Variants in DCAKD observed in about 807,000 individuals in gnomAD.
DCAKD encodes the protein dephospho-CoA kinase domain containing.
A neutral mutation model predicts 18.7 loss-of-function variants in DCAKD; 15 were observed. The ratio of observed to expected loss-of-function variants is 0.80; its 90% CI spans 0.54 to 1.24. The LOEUF is 1.24. Among genes scored for constraint, DCAKD ranks in the 50% most tolerant of loss-of-function variants. The probability of loss-of-function intolerance (pLI) is 0.00; values close to 1 mark genes in which losing one functional copy is unlikely to be tolerated. For missense variants in DCAKD, 301 were observed against 322.0 expected, an observed-to-expected ratio of 0.93 and a Z score of 0.50; for synonymous variants, 130 against 133.0, an observed-to-expected ratio of 0.98 and a Z score of 0.16.
chr17:45,040,658 C>T (rs930709055), intron 1 of DCAKD, among the ~76,000 whole-genome samples: 13 of 152,162 alleles, frequency 8.5e-5, no homozygotes, highest in Admixed American at 6.6e-5. Flanking sequence ...CCCAGGGAAG[C>T]CACACCCCAT....
chr17:45,049,600 C>T lies in DCAKD; in HGVS notation c.-115+1761G>A, dbSNP rs1007270433. On this transcript the variant is annotated intron_variant, in intron 1 of 4. Coordinates refer to ENST00000651974, the MANE Select transcript of DCAKD (RefSeq NM_001288655.2). Reference sequence around the variant, plus strand: ...AGCTTTATTTTAAAATATCAACATTCACAATTAACCAGAACTTTTATCCTC... The same window carrying T: ...AGCTTTATTTTAAAATATCAACATTTACAATTAACCAGAACTTTTATCCTC... 2.7e-5 allele frequency among the ~76,000 whole-genome samples: 4 copies of T among 150,442 alleles called. 1 individual carries two copies. Among genetic ancestry groups the T allele is most frequent in the African/African-American group, 9.8e-5 (4 of 40,864 alleles).
At position 45,051,361 on chromosome 17, in the gene DCAKD, C is replaced by T. The variant is rs567517919; in HGVS notation, c.-115G>A. ...GGGCCGTGGATATAAAAGCACTTGCCTTAGTGCTGGCCGCATACGACGCGC... is the reference window on the plus strand; with the variant it reads ...GGGCCGTGGATATAAAAGCACTTGCTTTAGTGCTGGCCGCATACGACGCGC... On this transcript the variant is annotated splice_region_variant and 5_prime_UTR_variant, in exon 1 of 5. Coordinates refer to ENST00000651974, the MANE Select transcript of DCAKD (RefSeq NM_001288655.2). 9.8e-5 allele frequency: 15 copies of T among 152,326 alleles called. No homozygotes were observed. In the South Asian group the frequency reaches 1.7e-3, roughly 17 times the overall value. The allele number at this position is 152,326 out of a possible 1,614,324, so 9.4% of individuals were successfully genotyped here.
At position 45,034,335 on chromosome 17, in the gene DCAKD, C is replaced by G. The variant is rs780810927; in HGVS notation, c.168G>C (p.Glu56Asp). The G allele has an allele frequency of 6.2e-7, 1 of 1,614,114 alleles. No individual in the cohort carries two copies. Among genetic ancestry groups the G allele is most frequent in the Non-Finnish European group, 8.5e-7 (1 of 1,180,046 alleles). Reference protein sequence around the residue: ...HRRIVEVFGTEVLLENGDINR... With the variant: ...HRRIVEVFGTDVLLENGDINR... ...TTATGTCGCCGTTCTCCAGCAAGAC[C>G]TCAGTGCCGAAGACCTCTACGATGC... Residue 56 changes from glutamate (E) to aspartate (D), a missense_variant, in exon 3 of 5, where the codon GAG becomes GAC. Physicochemically the swap from Glu to Asp is conservative, Grantham distance 45. Coordinates refer to ENST00000651974, the MANE Select transcript of DCAKD (RefSeq NM_001288655.2).
chr17:45,033,033 T>C (rs2053205649), intron 3 of DCAKD, among the ~76,000 whole-genome samples: 2 of 152,136 alleles, frequency 1.3e-5, no homozygotes, highest in Non-Finnish European at 2.9e-5. Flanking sequence ...AGGCCACCCC[T>C]GTGCAATGCT....
chr17:45,040,215 C>A (rs2143288712), intron 1 of DCAKD, among the ~76,000 whole-genome samples: 1 of 151,804 alleles, frequency 6.6e-6, no homozygotes, highest in African/African-American at 2.4e-5. Context: ...TGGAGAAACG[C>A]CATTTCTACT....
intron 1 of DCAKD, among the ~76,000 whole-genome samples, chr17:45,051,127 A>C (rs146473259): frequency 1.7e-3 from 262 of 152,356 alleles, no homozygotes; most frequent in African/African-American, 5.6e-3. Context: ...GGGATCGGAA[A>C]GATACCCCAA....
chr17:45,026,218 CTTTTTTT>C (rs1180056946), intron 4 of DCAKD, among the ~76,000 whole-genome samples: 4 of 109,166 alleles, frequency 3.7e-5, no homozygotes, highest in Non-Finnish European at 7.5e-5. Flanking sequence ...CGCGCCTGGA[CTTTTTTT>C]TTTTTTTTTT....
chr17:45,035,316 A>G (rs2053270254), intron 1 of DCAKD, among the ~76,000 whole-genome samples: 2 of 152,020 alleles, frequency 1.3e-5, no homozygotes, highest in Admixed American at 1.3e-4. Flanking sequence ...CCCCATCTCT[A>G]CTAAAAATAC....
chr17:45,044,716 TAAATAAATAAATA>T (rs1168163933), intron 1 of DCAKD, among the ~76,000 whole-genome samples: 1 of 151,064 alleles, frequency 6.6e-6, no homozygotes, highest in African/African-American at 2.4e-5. Context: ...AATAAATAAA[TAAATAAATAAATA>T]AATAAATAAA....
intron 1 of DCAKD, among the ~76,000 whole-genome samples, chr17:45,058,827 G>A (rs7222240): frequency 0.22 from 34,082 of 152,100 alleles, 4,401 homozygotes; most frequent in African/African-American, 0.34. Flanking sequence ...GTTGAGTGTG[G>A]TGACAGCTCT....
intron 1 of DCAKD, among the ~76,000 whole-genome samples, chr17:45,050,323 C>T (rs992442732): frequency 2.0e-5 from 3 of 152,102 alleles, no homozygotes; most frequent in Non-Finnish European, 2.9e-5. Context: ...GGATTACAGG[C>T]GTGAGCCACC....
intron 4 of DCAKD, among the ~76,000 whole-genome samples, chr17:45,029,291 A>C (rs1044004442): frequency 6.6e-6 from 1 of 152,224 alleles, no homozygotes; most frequent in Admixed American, 6.5e-5. Flanking sequence ...GGGGATTTTC[A>C]GGGCACTGAG....
At chr17:45,047,267 G>C (rs568012904) in intron 1 of DCAKD, among the ~76,000 whole-genome samples, 1 of 151,970 alleles carries the variant, frequency 6.6e-6, no homozygotes, top group South Asian at 2.1e-4. Flanking sequence ...AGATACATGA[G>C]GTTTAAAAAG....
intron 1 of DCAKD, 122 bp downstream of exon 1, chr17:45,051,239 A>G (rs534223975): frequency 6.6e-6 from 1 of 152,310 alleles, no homozygotes; most frequent in African/African-American, 2.4e-5. Flanking sequence ...TGAATCCACA[A>G]TCTCCAGCCC....
rs1054759071 is a variant in DCAKD, at chr17:45,034,228, C to T, written c.275G>A (p.Arg92His). ...LLNAITHPEIRKEMMKETFKY... is the reference protein window; with the variant it reads ...LLNAITHPEIHKEMMKETFKY... ...GAACGTCTCCTTCATCATCTCCTTGCGAATCTCGGGGTGGGTGATGGCGTT... is the reference window on the plus strand; with the variant it reads ...GAACGTCTCCTTCATCATCTCCTTGTGAATCTCGGGGTGGGTGATGGCGTT... Residue 92 changes from arginine (R) to histidine (H), a missense_variant, in exon 3 of 5, where the codon CGC (arginine) becomes CAC (histidine). Physicochemically the swap from Arg to His is conservative, Grantham distance 29 (BLOSUM62 0). Coordinates refer to ENST00000651974, the MANE Select transcript of DCAKD (RefSeq NM_001288655.2). The T allele has an allele frequency of 5.0e-6, 8 of 1,614,056 alleles. No homozygotes were observed. The highest frequency in any genetic ancestry group is 4.5e-5 in the East Asian group (2 of 44,870).
intron 1 of DCAKD, among the ~76,000 whole-genome samples, chr17:45,044,686 C>T (rs1304644360): frequency 1.0e-5 from 1 of 96,522 alleles, no homozygotes; most frequent in Non-Finnish European, 2.0e-5. Flanking sequence ...AGAGAGACTC[C>T]ATCAATAAAT....
chr17:45,041,817 G>A (rs1406884029), intron 1 of DCAKD, among the ~76,000 whole-genome samples: 1 of 152,010 alleles, frequency 6.6e-6, no homozygotes, highest in Non-Finnish European at 1.5e-5. Context: ...AAGTGGGTAA[G>A]GGTATCAAGA....
chr17:45,034,462 G>A, intron 2 of DCAKD, 72 bp from the exon 3 acceptor site: 1 of 1,552,082 alleles, frequency 6.4e-7, no homozygotes, highest in East Asian at 2.3e-5. Context: ...AGTGACCAGG[G>A]GCAAAATGAT....
chr17:45,032,322 C>T (rs984374068), intron 3 of DCAKD, among the ~76,000 whole-genome samples: 3 of 151,830 alleles, frequency 2.0e-5, no homozygotes, highest in East Asian at 1.9e-4. Context: ...AGAGAAGATG[C>T]GGGAGCCAGC....
Sources: allele counts gnomAD v4.1 joint callset (sites outside exome capture counted in the v4.1 genomes callset), GRCh38; gene constraint gnomAD v4.1.1; transcripts MANE v1.5; gene names NCBI Gene and HGNC (gene_info 2026-07-23, HGNC 2026-07-21).